CHD5: variants seen among roughly 807,000 people sequenced by gnomAD.
The protein encoded by CHD5 is ATP-dependent chromatin remodeler CHD5.
A neutral mutation model predicts 230.3 loss-of-function variants in CHD5; 69 were observed. That is an observed-to-expected ratio of 0.30 (90% CI 0.25 to 0.37). The LOEUF (loss-of-function observed/expected upper bound fraction) is 0.37, where lower values mean the gene tolerates loss of function less well. CHD5 is among the 10% of genes least tolerant of loss of function. CHD5 has a pLI of 1.00. For missense variants in CHD5, 1,827 were observed against 2,622.8 expected, an observed-to-expected ratio of 0.70 and a Z score of 6.63; for synonymous variants, 1,064 against 1,065.9, an observed-to-expected ratio of 1.00 and a Z score of 0.03.
At chr1:6,127,822 G>C (rs1213287046) in intron 25 of CHD5, among the ~76,000 whole-genome samples, 1 of 152,244 alleles carries the variant, frequency 6.6e-6, no homozygotes, top group African/African-American at 2.4e-5. Flanking sequence ...TGGAGCGACA[G>C]GGCCGCCCTG....
intron 38 of CHD5, among the ~76,000 whole-genome samples, chr1:6,108,957 C>T (rs934391533): frequency 6.6e-6 from 1 of 151,878 alleles, no homozygotes; most frequent in African/African-American, 2.4e-5. Flanking sequence ...GGGAGGTAGC[C>T]CGAGAGCTGG....
intron 1 of CHD5, among the ~76,000 whole-genome samples, chr1:6,170,298 G>A (rs141922658): frequency 0.01 from 1,538 of 152,212 alleles, 25 homozygotes; most frequent in African/African-American, 0.035. Context: ...GGCCCCCACC[G>A]CCCGGCCTGG....
Position 6,151,014 on chromosome 1 carries a change from C to A in CHD5, c.994+18G>T, listed in dbSNP as rs771942911. The A allele has an allele frequency of 9.8e-6, 15 of 1,529,312 alleles. No homozygotes were observed. In the East Asian group the frequency reaches 2.7e-4, roughly 27 times the overall value. The allele number at this position is 1,529,312 out of a possible 1,614,324, so 94.7% of individuals were successfully genotyped here. A position where few individuals can be genotyped will look rare whatever the true frequency, so the allele number is the denominator to read the frequency against. ...ATCCACCCAGCAGGCCAAGAACTCT[C>A]TGGAAGGGGAGTCATACTCCTCTTC... On this transcript the variant is annotated intron_variant, in intron 7 of 41. Transcript: ENST00000262450.
In CHD5 at chr1:6,105,212, C is replaced by CA; in HGVS notation, c.*261dup. 1 of 346,890 alleles carries CA rather than the reference C, an allele frequency of 2.9e-6. No individual in the cohort carries two copies. Among genetic ancestry groups the CA allele is most frequent in the South Asian group, 2.2e-5 (1 of 44,774 alleles). 21.5% of individuals were successfully genotyped at this position (346,890 alleles called of 1,614,324 possible). ...TCGTCTGGAAAAGGTGGCGAGGGGG[C>CA]ACGTCCGGCGTGGTTGTGGGGGCAA... On this transcript the variant is annotated 3_prime_UTR_variant, in exon 42 of 42. Coordinates refer to ENST00000262450, the MANE Select transcript of CHD5 (RefSeq NM_015557.3). This position sits in a 1 kb window ranked among gnomAD's most constrained non-coding sequence, Gnocchi z 4.8.
Position 6,125,204 on chromosome 1 carries a change from C to T in CHD5, c.4290G>A (p.Lys1430=), listed in dbSNP as rs1173228859. The T allele has an allele frequency of 5.0e-6, 8 of 1,606,226 alleles. No individual in the cohort carries two copies. The highest frequency in any genetic ancestry group is 6.8e-6 in the Non-Finnish European group (8 of 1,178,650). ...AGCGCATGATGGCGTTCAGAAAGGC[C>T]TTCCGCTGTCGGGCATTGAAGCCCA... is the stretch of plus-strand genomic sequence containing the variant. ...EVLGFNARQR[K]AFLNAIMRWG... is the part of the protein sequence containing the mutation. The change falls in exon 29 of 42, where the codon AAG becomes AAA. Residue 1430 remains lysine, a synonymous_variant. Coordinates refer to ENST00000262450, the MANE Select transcript of CHD5 (RefSeq NM_015557.3). The surrounding 1 kb of genome is among the most constrained non-coding windows in gnomAD (Gnocchi z 6.7).
rs748133955 is a variant in CHD5, at chr1:6,101,962, G to A, written c.*3512C>T. 10 of 418,622 alleles carry A rather than the reference G, an allele frequency of 2.4e-5. No individual in the cohort carries two copies. The highest frequency in any genetic ancestry group is 2.2e-4 in the East Asian group (2 of 9,254). 25.9% of individuals were successfully genotyped at this position (418,622 alleles called of 1,614,324 possible). On this transcript the variant is annotated 3_prime_UTR_variant, in exon 42 of 42. Coordinates refer to ENST00000262450, the MANE Select transcript of CHD5 (RefSeq NM_015557.3). ...TTCCAAAGCTGGACCCGCCCCCGCC[G>A]GGGCCACCCTGGCTGGGACTCCTGG...
At chr1:6,163,630 C>A (rs1667210531) in intron 2 of CHD5, among the ~76,000 whole-genome samples, 1 of 152,206 alleles carries the variant, frequency 6.6e-6, no homozygotes, top group South Asian at 2.1e-4. Flanking sequence ...GGAGCATCAT[C>A]CAGCGGCAAG....
At chr1:6,132,011 A>G (rs576546187) in intron 20 of CHD5, among the ~76,000 whole-genome samples, 1 of 152,218 alleles carries the variant, frequency 6.6e-6, no homozygotes, top group South Asian at 2.1e-4. Flanking sequence ...TGCTCCCACC[A>G]CACAGAATTA....
At position 6,101,851 on chromosome 1, in the gene CHD5, G is replaced by C; in HGVS notation, c.*3623C>G. ...CCAAAACATACACACAGAGTACAAA[G>C]TAAAGGTGATTGTGTTGGCTACAGC... On this transcript the variant is annotated 3_prime_UTR_variant, in exon 42 of 42. Transcript: ENST00000262450. The C allele has an allele frequency of 3.6e-6, 1 of 275,958 alleles. No homozygotes were observed. Among genetic ancestry groups the C allele is most frequent in the Non-Finnish European group, 7.3e-6 (1 of 137,404 alleles). 17.1% of individuals were successfully genotyped at this position (275,958 alleles called of 1,614,324 possible). A position where few individuals can be genotyped will look rare whatever the true frequency, so the allele number is the denominator to read the frequency against.
At position 6,131,790 on chromosome 1, in the gene CHD5, G is replaced by A; in HGVS notation, c.3145-42C>T. 1 of 1,363,498 alleles carries A rather than the reference G, an allele frequency of 7.3e-7. No homozygotes were observed. Among genetic ancestry groups the A allele is most frequent in the Non-Finnish European group, 1.0e-6 (1 of 957,342 alleles). 84.5% of individuals were successfully genotyped at this position (1,363,498 alleles called of 1,614,324 possible). ...CACGTGAGGAACTGCCAAGGAGCAA[G>A]GGGCCCCATGGGCCATGGGCGGGGA... is the stretch of plus-strand genomic sequence containing the variant. On this transcript the variant is annotated intron_variant, in intron 20 of 41. Coordinates refer to ENST00000262450, the MANE Select transcript of CHD5 (RefSeq NM_015557.3). This position sits in a 1 kb window ranked among gnomAD's most constrained non-coding sequence, Gnocchi z 5.0.
In CHD5 at chr1:6,154,960, C is replaced by T; in HGVS notation, c.507-62G>A. The T allele has an allele frequency of 6.9e-7, 1 of 1,452,558 alleles. No individual in the cohort carries two copies. The highest frequency in any genetic ancestry group is 9.5e-7 in the Non-Finnish European group (1 of 1,052,396). 90.0% of individuals were successfully genotyped at this position (1,452,558 alleles called of 1,614,324 possible). A position where few individuals can be genotyped will look rare whatever the true frequency, so the allele number is the denominator to read the frequency against. On this transcript the variant is annotated intron_variant, in intron 4 of 41. Transcript: ENST00000262450. This position sits in a 1 kb window ranked among gnomAD's most constrained non-coding sequence, Gnocchi z 7.0. Reference sequence around the variant, plus strand: ...AGGTGAGATGAGAGGCCCACCCGACCCCCGGCAGGGCCCACCCCTCTGCCA... The same window carrying T: ...AGGTGAGATGAGAGGCCCACCCGACTCCCGGCAGGGCCCACCCCTCTGCCA...
chr1:6,113,112 C>T (rs1035780379), intron 33 of CHD5, 114 bp from the exon 34 acceptor site: 4 of 723,588 alleles, frequency 5.5e-6, no homozygotes, highest in African/African-American at 3.5e-5. Context: ...TCCGCAGAGT[C>T]CAACAGGTGC....
At position 6,125,279 on chromosome 1, in the gene CHD5, TGGG is replaced by T; in HGVS notation, c.4261-49_4261-47del. On this transcript the variant is annotated intron_variant, in intron 28 of 41. Transcript: ENST00000262450. The surrounding 1 kb of genome is among the most constrained non-coding windows in gnomAD (Gnocchi z 6.7). The stretch of plus-strand genomic sequence containing the variant: ...AGTATGAGCCCAGGACAGAGAGGGG[TGGG>T]GGTGGAGGATTCTGGGATGGGGGAA... The T allele has an allele frequency of 1.0e-6, 1 of 1,002,020 alleles. No individual in the cohort carries two copies. Among genetic ancestry groups the T allele is most frequent in the Non-Finnish European group, 1.3e-6 (1 of 780,300 alleles). 62.1% of individuals were successfully genotyped at this position (1,002,020 alleles called of 1,614,324 possible). A position where few individuals can be genotyped will look rare whatever the true frequency, so the allele number is the denominator to read the frequency against.
At chr1:6,120,934 A>T (rs191137541) in intron 33 of CHD5, among the ~76,000 whole-genome samples, 171 bp downstream of exon 33, 17 of 151,608 alleles carry the variant, frequency 1.1e-4, no homozygotes, top group African/African-American at 4.1e-4. Flanking sequence ...AAGTCCATGT[A>T]TAGAGGCCTG....
chr1:6,133,287 G>T (rs77619157), intron 20 of CHD5, among the ~76,000 whole-genome samples: 1 of 152,224 alleles, frequency 6.6e-6, no homozygotes, highest in African/African-American at 2.4e-5. Context: ...CTGGGGGGAT[G>T]TGGGTCCATC....
intron 15 of CHD5, among the ~76,000 whole-genome samples, chr1:6,139,208 C>T (rs1405456458): frequency 6.7e-6 from 1 of 148,988 alleles, no homozygotes; most frequent in Non-Finnish European, 1.5e-5. Flanking sequence ...CTTAACACTA[C>T]TAAACTGTTC....
intron 3 of CHD5, among the ~76,000 whole-genome samples, chr1:6,156,283 T>C (rs941438043): frequency 6.6e-6 from 1 of 151,812 alleles, no homozygotes; most frequent in Non-Finnish European, 1.5e-5. Context: ...ACGCCCGTAA[T>C]CCCAACACTT....
intron 20 of CHD5, among the ~76,000 whole-genome samples, chr1:6,133,606 GA>G (rs1666692514): frequency 6.6e-6 from 1 of 152,256 alleles, no homozygotes; most frequent in African/African-American, 2.4e-5. Context: ...ACAGTAGACT[GA>G]GCAGCTTGAG....
chr1:6,131,388 C>CAGA lies in CHD5; in HGVS notation c.3262+242_3262+243insTCT, dbSNP rs1206350324. 2.0e-5 allele frequency among the ~76,000 whole-genome samples: 3 copies of CAGA among 152,208 alleles called. No homozygotes were observed. The highest frequency in any genetic ancestry group is 7.2e-5 in the African/African-American group (3 of 41,444). On this transcript the variant is annotated intron_variant, in intron 21 of 41. Transcript: ENST00000262450. The surrounding 1 kb of genome is among the most constrained non-coding windows in gnomAD (Gnocchi z 5.0). ...GCTCACCTGGCGTCAATATTAGAGG[C>CAGA]CCCGTCTGCGTTTCTCATTGTCTAA...
Sources: gnomAD v4.1 joint callset for allele counts (sites outside exome capture counted in the v4.1 genomes callset) on GRCh38, gnomAD v4.1.1 for gene constraint, Gnocchi (gnomAD v3.1) non-coding constraint, MANE v1.5 for transcripts, NCBI Gene and HGNC (gene_info 2026-07-23, HGNC 2026-07-21) for gene names.